Variants in AGPS observed in about 807,000 individuals in gnomAD.
AGPS encodes alkyldihydroxyacetonephosphate synthase, peroxisomal.
AGPS carries 26 observed loss-of-function variants against 90.7 expected under a neutral mutation model. That is an observed-to-expected ratio of 0.29 (90% confidence interval 0.21 to 0.40). AGPS has a LOEUF of 0.40. Ranked by LOEUF, AGPS falls within the 10% of genes least tolerant of loss-of-function variation. AGPS has a pLI of 1.00. For missense variants in AGPS, 540 were observed against 816.1 expected (o/e 0.66, Z 4.12); for synonymous variants, 294 against 285.3 (o/e 1.03, Z -0.31).
intron 10 of AGPS, among the ~76,000 whole-genome samples, chr2:177,479,342 G>A (rs62182671): frequency 0.015 from 2,263 of 152,242 alleles, 30 homozygotes; most frequent in Non-Finnish European, 0.023. Flanking sequence ...CTGGAACTTA[G>A]CCTTGGGAAA....
intron 8 of AGPS, 44 bp from the exon 9 acceptor site, chr2:177,461,849 A>G (rs1260863322): frequency 6.3e-7 from 1 of 1,581,724 alleles, no homozygotes; most frequent in South Asian, 1.1e-5. Flanking sequence ...GCTGTACGTA[A>G]TGGGACCATT....
intron 2 of AGPS, among the ~76,000 whole-genome samples, chr2:177,430,597 T>TG (rs1475396148): frequency 6.6e-6 from 1 of 151,650 alleles, no homozygotes; most frequent in Non-Finnish European, 1.5e-5. Context: ...TGGCTGGGGG[T>TG]GGGGGTTCTT....
intron 1 of AGPS, among the ~76,000 whole-genome samples, chr2:177,416,629 G>A (rs1421910522): frequency 2.6e-5 from 4 of 151,770 alleles, no homozygotes; most frequent in Admixed American, 1.3e-4. Flanking sequence ...AGGTTCAAGC[G>A]ATTCTCCTGC....
At chr2:177,423,746 C>T (rs1312388809) in intron 2 of AGPS, among the ~76,000 whole-genome samples, 1 of 152,166 alleles carries the variant, frequency 6.6e-6, no homozygotes, top group East Asian at 1.9e-4. Flanking sequence ...AGAATAACAG[C>T]TTTTCCCCTA....
chr2:177,436,603 A>G (rs1158149652), intron 3 of AGPS, among the ~76,000 whole-genome samples, 161 bp from the exon 4 acceptor site: 1 of 152,068 alleles, frequency 6.6e-6, no homozygotes, highest in Non-Finnish European at 1.5e-5. Flanking sequence ...TGTTACTCTC[A>G]TAAAGCTGAT....
chr2:177,438,808 A>G (rs1686501067), intron 5 of AGPS, among the ~76,000 whole-genome samples: 1 of 152,224 alleles, frequency 6.6e-6, no homozygotes, highest in Non-Finnish European at 1.5e-5. Context: ...TTCTTTGGAA[A>G]TAGTTTCCCG....
intron 14 of AGPS, among the ~76,000 whole-genome samples, chr2:177,503,764 T>C (rs1688629240): frequency 6.6e-6 from 1 of 152,206 alleles, no homozygotes; most frequent in Non-Finnish European, 1.5e-5. Flanking sequence ...GTCATAAGTC[T>C]ATGATTTCCT....
intron 8 of AGPS, among the ~76,000 whole-genome samples, chr2:177,461,228 A>G (rs759606582): frequency 1.3e-4 from 20 of 152,254 alleles, no homozygotes; most frequent in Non-Finnish European, 2.1e-4. Flanking sequence ...AGTAAAGGGC[A>G]TCTATTCAAT....
intron 17 of AGPS, among the ~76,000 whole-genome samples, chr2:177,516,194 C>A (rs1182517934): frequency 6.6e-6 from 1 of 152,010 alleles, no homozygotes; most frequent in Non-Finnish European, 1.5e-5. Flanking sequence ...AATCAAGGAT[C>A]CTAAGAAAAA....
intron 1 of AGPS, among the ~76,000 whole-genome samples, chr2:177,407,702 A>T (rs1268386856): frequency 6.6e-6 from 1 of 152,122 alleles, no homozygotes; most frequent in Non-Finnish European, 1.5e-5. Context: ...CAAATATTCA[A>T]ACTATATTGG....
intron 6 of AGPS, among the ~76,000 whole-genome samples, chr2:177,441,893 T>G (rs146209010): frequency 2.8e-4 from 42 of 152,368 alleles, no homozygotes; most frequent in African/African-American, 9.6e-4. Flanking sequence ...ATATAAATGT[T>G]TTTAAATACC....
At chr2:177,445,950 A>G (rs1039490707) in intron 8 of AGPS, among the ~76,000 whole-genome samples, 1 of 152,154 alleles carries the variant, frequency 6.6e-6, no homozygotes, top group Admixed American at 6.5e-5. Context: ...GGATCATCAA[A>G]TGGGGCTAGG....
rs1687679793 is a variant in AGPS at position 177,473,174 on chromosome 2, G to A, written c.1105+4650G>A. On this transcript the variant is annotated intron_variant, in intron 10 of 19. Transcript: ENST00000264167. ...TCTACTTAGAGGTAATTTGAAAGTT[G>A]CAGTGTTTTTTGTTTCCTTGTATGC... 2.0e-5 allele frequency among the ~76,000 whole-genome samples: 3 copies of A among 152,168 alleles called. No homozygotes were observed. In the South Asian group the frequency reaches 6.2e-4, roughly 32 times the overall value.
intron 10 of AGPS, among the ~76,000 whole-genome samples, chr2:177,475,479 C>T (rs1021704503): frequency 2.0e-5 from 3 of 152,114 alleles, no homozygotes; most frequent in African/African-American, 7.2e-5. Flanking sequence ...CAATCCTGCC[C>T]CAAGCCCTAA....
At chr2:177,404,422 G>A (rs1226346052) in intron 1 of AGPS, among the ~76,000 whole-genome samples, 1 of 152,124 alleles carries the variant, frequency 6.6e-6, no homozygotes, top group Non-Finnish European at 1.5e-5. Flanking sequence ...TACATGGAGT[G>A]ATGTAATTTA....
Position 177,407,777 on chromosome 2 carries a change from G to C in AGPS, c.261-12492G>C, listed in dbSNP as rs192286325. ...CAGTGGCAATAATGACATTTTAATA[G>C]AGAAAACAAATTTCCTTTTTTTTTT... is the stretch of plus-strand genomic sequence containing the variant. On this transcript the variant is annotated intron_variant, in intron 1 of 19. Transcript: ENST00000264167. 2.7e-5 allele frequency among the ~76,000 whole-genome samples: 4 copies of C among 147,228 alleles called. No homozygotes were observed. In the East Asian group the frequency reaches 7.8e-4, roughly 29 times the overall value.
chr2:177,396,033 T>C (rs770686639), intron 1 of AGPS, among the ~76,000 whole-genome samples: 5 of 116,196 alleles, frequency 4.3e-5, no homozygotes, highest in Non-Finnish European at 8.0e-5. Context: ...CCACTGTAGA[T>C]ACAGGTACAA....
At chr2:177,393,250 G>A in intron 1 of AGPS, 2 of 985,348 alleles carry the variant, frequency 2.0e-6, no homozygotes, top group Non-Finnish European at 2.4e-6. Context: ...ATGGGATGGT[G>A]GATTTTGGTC....
At chr2:177,495,567 C>G (rs1303616375) in intron 12 of AGPS, among the ~76,000 whole-genome samples, 1 of 152,106 alleles carries the variant, frequency 6.6e-6, no homozygotes, top group African/African-American at 2.4e-5. Context: ...ATTCACTGAT[C>G]AAACTGTCCA....
Sources: gnomAD v4.1 joint callset for allele counts (sites outside exome capture counted in the v4.1 genomes callset) on GRCh38, gnomAD v4.1.1 for gene constraint, MANE v1.5 for transcripts, NCBI Gene and HGNC (gene_info 2026-07-23, HGNC 2026-07-21) for gene names.